The following UBE2E2 variants were observed in gnomAD, a reference collection of about 807,000 sequenced individuals.
UBE2E2 encodes ubiquitin-conjugating enzyme E2 E2.
UBE2E2 carries 6 observed loss-of-function variants against 24.7 expected under a neutral mutation model. The ratio of observed to expected loss-of-function variants is 0.24; its 90% CI spans 0.13 to 0.48. The LOEUF is 0.48. UBE2E2 is among the 20% of genes least tolerant of loss of function. The probability of loss-of-function intolerance (pLI) is 0.99; values close to 1 mark genes in which losing one functional copy is unlikely to be tolerated. For synonymous variants in UBE2E2, 104 were observed against 83.6 expected, an observed-to-expected ratio of 1.24 and a Z score of -1.33; for missense variants, 169 against 245.0, an observed-to-expected ratio of 0.69 and a Z score of 2.07.
chr3:23,400,822 T>G (rs1697205092), intron 3 of UBE2E2, among the ~76,000 whole-genome samples: 1 of 152,140 alleles, frequency 6.6e-6, no homozygotes, highest in Non-Finnish European at 1.5e-5. Context: ...CCTTCCCTCC[T>G]TCTTTCCTTC....
chr3:23,457,365 G>A (rs1414225855), intron 3 of UBE2E2, among the ~76,000 whole-genome samples: 1 of 152,154 alleles, frequency 6.6e-6, no homozygotes, highest in Non-Finnish European at 1.5e-5. Flanking sequence ...ACAAGTGAGT[G>A]CTTTTTCACA....
At chr3:23,470,992 T>C (rs1675585028) in intron 3 of UBE2E2, among the ~76,000 whole-genome samples, 1 of 152,132 alleles carries the variant, frequency 6.6e-6, no homozygotes, top group Admixed American at 6.6e-5. Flanking sequence ...CACAAAAATA[T>C]TTCATTGAAG....
chr3:23,321,955 G>C (rs1223852376), intron 3 of UBE2E2, among the ~76,000 whole-genome samples: 2 of 151,922 alleles, frequency 1.3e-5, no homozygotes, highest in African/African-American at 4.8e-5. Context: ...ATTCACATTA[G>C]TGTCAATGTT....
chr3:23,204,899 GC>G, intron 1 of UBE2E2: 1 of 379,502 alleles, frequency 2.6e-6, no homozygotes, highest in Non-Finnish European at 3.6e-6. Context: ...ACTTGGTTTT[GC>G]AGTTTTATAC....
intron 3 of UBE2E2, among the ~76,000 whole-genome samples, chr3:23,400,701 A>G (rs761825422): frequency 4.6e-5 from 7 of 152,090 alleles, no homozygotes; most frequent in Non-Finnish European, 1.0e-4. Context: ...CCACTTAAAT[A>G]GAAAGCCACA....
intron 3 of UBE2E2, among the ~76,000 whole-genome samples, chr3:23,304,886 T>C (rs928670817): frequency 6.6e-6 from 1 of 152,130 alleles, no homozygotes; most frequent in African/African-American, 2.4e-5. Context: ...TATTTTTTTT[T>C]CCTTGCACTT....
At chr3:23,270,978 T>C in intron 3 of UBE2E2, 1 of 456,772 alleles carries the variant, frequency 2.2e-6, no homozygotes, top group Middle Eastern at 3.3e-4. Flanking sequence ...TGCTTGCATC[T>C]CTTCTAACTT....
chr3:23,294,481 A>C (rs1171036558), intron 3 of UBE2E2, among the ~76,000 whole-genome samples: 1 of 151,904 alleles, frequency 6.6e-6, no homozygotes, highest in Non-Finnish European at 1.5e-5. Context: ...AAAGATAATC[A>C]AGACGTGGCT....
intron 5 of UBE2E2, among the ~76,000 whole-genome samples, chr3:23,582,482 T>A (rs1236004639): frequency 6.6e-6 from 1 of 152,224 alleles, no homozygotes; most frequent in African/African-American, 2.4e-5. Flanking sequence ...ACCACACTGC[T>A]TTCCGCAGTG....
intron 3 of UBE2E2, among the ~76,000 whole-genome samples, chr3:23,491,318 CT>C (rs553469647): frequency 6.6e-6 from 1 of 152,250 alleles, no homozygotes; most frequent in Admixed American, 6.5e-5. Flanking sequence ...GTATAGAGTT[CT>C]TTTTTTCCTT....
chr3:23,518,943 T>G (rs1694802569), intron 4 of UBE2E2, among the ~76,000 whole-genome samples: 1 of 152,234 alleles, frequency 6.6e-6, no homozygotes, highest in Non-Finnish European at 1.5e-5. Context: ...AAGCATTTGT[T>G]CCACAAAAGG....
chr3:23,589,927 T>C lies in UBE2E2; in HGVS notation c.*96T>C, dbSNP rs960499363. 2 of 1,184,000 alleles carry C rather than the reference T, an allele frequency of 1.7e-6. No homozygotes were observed. The highest frequency in any genetic ancestry group is 2.4e-6 in the Non-Finnish European group (2 of 836,326). 73.3% of individuals were successfully genotyped at this position (1,184,000 alleles called of 1,614,324 possible). ...CCCCTCCAGACCTCGGTTCTTATTT[T>C]CCTATTTTTATTAAATTTGGAACCA... On this transcript the variant is annotated 3_prime_UTR_variant, in exon 6 of 6. Transcript: ENST00000396703. The surrounding 1 kb of genome is among the most constrained non-coding windows in gnomAD (Gnocchi z 4.1).
chr3:23,325,484 G>T (rs1415759346), intron 3 of UBE2E2, among the ~76,000 whole-genome samples: 1 of 152,106 alleles, frequency 6.6e-6, no homozygotes, highest in African/African-American at 2.4e-5. Context: ...AACACTTGTA[G>T]GTCCTTTAGT....
At chr3:23,420,879 C>G (rs1057046938) in intron 3 of UBE2E2, among the ~76,000 whole-genome samples, 2 of 152,062 alleles carry the variant, frequency 1.3e-5, no homozygotes, top group Non-Finnish European at 2.9e-5. Context: ...TAGATATTGC[C>G]TATGGGTTAA....
chr3:23,465,715 G>T (rs1334798174), intron 3 of UBE2E2, among the ~76,000 whole-genome samples: 1 of 152,172 alleles, frequency 6.6e-6, no homozygotes. Flanking sequence ...CCCAGCTTGA[G>T]CATAACTGGC....
chr3:23,510,078 C>T (rs1040633116), intron 4 of UBE2E2, among the ~76,000 whole-genome samples: 3 of 152,006 alleles, frequency 2.0e-5, no homozygotes, highest in Admixed American at 6.6e-5. Flanking sequence ...AGGATCTCTC[C>T]GTAAGGTAGC....
intron 3 of UBE2E2, among the ~76,000 whole-genome samples, chr3:23,244,044 T>C (rs1330125024): frequency 1.3e-5 from 2 of 151,968 alleles, no homozygotes; most frequent in African/African-American, 4.8e-5. Flanking sequence ...TTTTAGTCTC[T>C]TATTATGATA....
intron 3 of UBE2E2, among the ~76,000 whole-genome samples, chr3:23,301,824 A>G (rs904475428): frequency 7.0e-6 from 1 of 142,188 alleles, no homozygotes; most frequent in Non-Finnish European, 1.5e-5. Context: ...TTGGAAATGC[A>G]GAAATCACCA....
intron 3 of UBE2E2, among the ~76,000 whole-genome samples, chr3:23,467,478 C>T (rs1056398502): frequency 4.6e-5 from 7 of 152,150 alleles, no homozygotes; most frequent in East Asian, 1.9e-4. Flanking sequence ...AGCAAATTGG[C>T]GCCTGACTGA....
Sources: gnomAD v4.1 joint callset for allele counts (sites outside exome capture counted in the v4.1 genomes callset) on GRCh38, gnomAD v4.1.1 for gene constraint, Gnocchi (gnomAD v3.1) non-coding constraint, MANE v1.5 for transcripts, NCBI Gene and HGNC (gene_info 2026-07-23, HGNC 2026-07-21) for gene names.